Variants in ANKS1B observed in about 807,000 individuals in gnomAD.
ANKS1B encodes the protein ankyrin repeat and sterile alpha motif domain-containing protein 1B.
ANKS1B carries 36 observed loss-of-function variants against 148.3 expected under a neutral mutation model. That is an observed-to-expected ratio of 0.24 (90% CI 0.19 to 0.32). The LOEUF (loss-of-function observed/expected upper bound fraction) is 0.32. ANKS1B is among the 10% of genes least tolerant of loss of function. The pLI is 1.00. For missense variants in ANKS1B, 1,157 were observed against 1,542.6 expected (o/e 0.75, Z 4.19); for synonymous variants, 542 against 560.8 (o/e 0.97, Z 0.47).
chr12:99,643,008 TCCC>T (rs35638322), intron 9 of ANKS1B, among the ~76,000 whole-genome samples: 1 of 151,304 alleles, frequency 6.6e-6, no homozygotes, highest in Non-Finnish European at 1.5e-5. Flanking sequence ...TCCAGGATAA[TCCC>T]CCCCCATCAT....
intron 19 of ANKS1B, among the ~76,000 whole-genome samples, chr12:98,826,011 C>A (rs2099246087): frequency 6.6e-6 from 1 of 152,124 alleles, no homozygotes; most frequent in South Asian, 2.1e-4. Flanking sequence ...TATGTGAATG[C>A]AACATTTATT....
intron 12 of ANKS1B, among the ~76,000 whole-genome samples, chr12:99,371,590 TGAGA>T (rs550140765): frequency 3.7e-4 from 56 of 150,958 alleles, no homozygotes; most frequent in Middle Eastern, 3.4e-3. Context: ...ATATACATAC[TGAGA>T]GAGAGAGAGA....
intron 8 of ANKS1B, among the ~76,000 whole-genome samples, chr12:99,689,355 A>G (rs993862031): frequency 6.6e-6 from 1 of 152,212 alleles, no homozygotes; most frequent in African/African-American, 2.4e-5. Context: ...AGAGGGATCA[A>G]ATAATGCAAA....
rs1421611192 is a variant in ANKS1B at position 99,402,375 on chromosome 12, G to T, written c.1576-2564C>A. Among the ~76,000 whole-genome samples, 8 of 145,532 alleles carry T rather than the reference G, an allele frequency of 5.5e-5. 2 individuals are homozygous for T. The highest frequency in any genetic ancestry group is 1.8e-4 in the African/African-American group (7 of 38,222). Reference sequence around the variant, plus strand: ...TGTGCAGGTTTGTTACATAGGTAAAGGTGTGTCATGGGGGTTTGTTTAACA... The same window carrying T: ...TGTGCAGGTTTGTTACATAGGTAAATGTGTGTCATGGGGGTTTGTTTAACA... On this transcript the variant is annotated intron_variant, in intron 11 of 26. Coordinates refer to ENST00000683438, the MANE Select transcript of ANKS1B (RefSeq NM_001352186.2).
At chr12:98,747,817 CT>C (rs2097932810) in intron 26 of ANKS1B, among the ~76,000 whole-genome samples, 1 of 152,128 alleles carries the variant, frequency 6.6e-6, no homozygotes, top group Non-Finnish European at 1.5e-5. Flanking sequence ...CATGAATGAA[CT>C]GAAGGTCATT....
chr12:99,156,125 G>A (rs1157452184), intron 14 of ANKS1B, among the ~76,000 whole-genome samples: 1 of 151,950 alleles, frequency 6.6e-6, no homozygotes, highest in Non-Finnish European at 1.5e-5. Context: ...TAAGGGCATT[G>A]TCAACTTTCC....
intron 14 of ANKS1B, among the ~76,000 whole-genome samples, chr12:99,225,741 C>T (rs1480238435): frequency 6.6e-6 from 1 of 152,202 alleles, no homozygotes; most frequent in Non-Finnish European, 1.5e-5. Context: ...CAGTGATTTG[C>T]TAGGGGCTCT....
intron 17 of ANKS1B, among the ~76,000 whole-genome samples, chr12:99,032,192 T>G (rs1420688081): frequency 1.3e-5 from 2 of 152,230 alleles, no homozygotes; most frequent in Non-Finnish European, 2.9e-5. Context: ...TTGAGGTTCC[T>G]TTAACAAATA....
intron 15 of ANKS1B, among the ~76,000 whole-genome samples, chr12:99,123,893 C>T (rs958201316): frequency 2.0e-5 from 3 of 152,248 alleles, no homozygotes; most frequent in African/African-American, 7.2e-5. Flanking sequence ...CAAACACACC[C>T]AGGAACAATA....
chr12:99,682,056 AC>A (rs1309003558), intron 8 of ANKS1B, among the ~76,000 whole-genome samples: 2 of 152,266 alleles, frequency 1.3e-5, no homozygotes, highest in Non-Finnish European at 2.9e-5. Flanking sequence ...GACTAGTCCA[AC>A]AGGAAAATAT....
intron 17 of ANKS1B, among the ~76,000 whole-genome samples, chr12:98,982,272 G>C (rs1289680888): frequency 6.6e-6 from 1 of 151,858 alleles, no homozygotes; most frequent in Non-Finnish European, 1.5e-5. Flanking sequence ...TCTGATTCAG[G>C]AGTCTGGGGT....
chr12:99,696,185 G>A (rs532062757), intron 8 of ANKS1B, among the ~76,000 whole-genome samples: 9 of 152,112 alleles, frequency 5.9e-5, no homozygotes, highest in African/African-American at 1.4e-4. Flanking sequence ...TATATGGTTC[G>A]TTGTTCATCT....
At chr12:98,768,273 C>G (rs1045952050) in intron 25 of ANKS1B, among the ~76,000 whole-genome samples, 1 of 151,916 alleles carries the variant, frequency 6.6e-6, no homozygotes, top group Non-Finnish European at 1.5e-5. Context: ...TTGCTCTAGT[C>G]TTTTTATTTT....
intron 16 of ANKS1B, among the ~76,000 whole-genome samples, chr12:99,055,027 A>G (rs1410740817): frequency 6.6e-6 from 1 of 152,178 alleles, no homozygotes; most frequent in Non-Finnish European, 1.5e-5. Flanking sequence ...GTAAATGACA[A>G]CTCAGCATTT....
intron 10 of ANKS1B, among the ~76,000 whole-genome samples, chr12:99,481,486 T>C (rs2096409690): frequency 6.6e-6 from 1 of 151,960 alleles, no homozygotes; most frequent in African/African-American, 2.4e-5. Flanking sequence ...AATTGTGAAT[T>C]GTGCTGCTAT....
chr12:99,004,566 A>AT (rs1472203217), intron 17 of ANKS1B, among the ~76,000 whole-genome samples: 1 of 150,790 alleles, frequency 6.6e-6, no homozygotes, highest in Non-Finnish European at 1.5e-5. Flanking sequence ...AAGATAACTC[A>AT]TTTTTTTCTG....
At chr12:99,825,535 T>C in intron 1 of ANKS1B, 146 bp from the exon 2 acceptor site, 1 of 601,624 alleles carries the variant, frequency 1.7e-6, no homozygotes, top group Non-Finnish European at 3.0e-6. Context: ...CTTCTATGAA[T>C]TCCCCTCAGA....
intron 17 of ANKS1B, chr12:98,931,795 T>C (rs908705315): frequency 2.6e-5 from 4 of 152,146 alleles, no homozygotes; most frequent in Admixed American, 2.6e-4. Context: ...TCCTCCCTGT[T>C]ATCTGATTGG....
chr12:99,666,098 G>A (rs1245190743), intron 8 of ANKS1B, among the ~76,000 whole-genome samples: 2 of 152,092 alleles, frequency 1.3e-5, no homozygotes, highest in South Asian at 2.1e-4. Flanking sequence ...GAAGTGCCCT[G>A]CAGTTTTTTT....
Sources: gnomAD v4.1 joint callset for allele counts (sites outside exome capture counted in the v4.1 genomes callset) on GRCh38, gnomAD v4.1.1 for gene constraint, MANE v1.5 for transcripts, NCBI Gene and HGNC (gene_info 2026-07-23, HGNC 2026-07-21) for gene names.